TYR: variants seen among roughly 807,000 people sequenced by gnomAD.
TYR encodes tyrosinase.
A neutral mutation model predicts 51.5 loss-of-function variants in TYR; 58 were observed. That is an observed-to-expected ratio of 1.13 (90% CI 0.91 to 1.40). The LOEUF (loss-of-function observed/expected upper bound fraction) is 1.40. Ranked by LOEUF, TYR falls within the 40% of genes most tolerant of loss-of-function variation. The pLI, the probability that TYR is intolerant of heterozygous loss-of-function variation, is 0.00. For missense variants in TYR, 732 were observed against 647.4 expected, an observed-to-expected ratio of 1.13 and a Z score of -1.42; for synonymous variants, 263 against 235.2, an observed-to-expected ratio of 1.12 and a Z score of -1.08.
In TYR at chr11:89,227,959, A is replaced by G; in HGVS notation, c.1173A>G (p.Ala391=). Residue 391 remains alanine (A), a synonymous_variant, in exon 3 of 5, where the codon GCA becomes GCG. Coordinates refer to ENST00000263321, the MANE Select transcript of TYR (RefSeq NM_000372.5). ...ATCCTATCTTCCTTCTTCACCATGC[A>G]TTTGTTGACAGGTTGGTTAATATTT... ...ANDPIFLLHH[A]FVDSIFEQWL... 3 of 1,613,422 alleles carry G rather than the reference A, an allele frequency of 1.9e-6. No individual in the cohort carries two copies. The highest frequency in any genetic ancestry group is 2.5e-6 in the Non-Finnish European group (3 of 1,179,630).
chr11:89,276,281 C>G (rs992621458), intron 3 of TYR, among the ~76,000 whole-genome samples: 1 of 151,828 alleles, frequency 6.6e-6, no homozygotes, highest in African/African-American at 2.4e-5. Flanking sequence ...AATCTAGCAT[C>G]TGTTTTCTGT....
chr11:89,278,825 A>C (rs961666065), intron 3 of TYR, among the ~76,000 whole-genome samples: 2 of 151,698 alleles, frequency 1.3e-5, no homozygotes, highest in Admixed American at 1.3e-4. Context: ...CCAGGATACT[A>C]TATTACATTT....
chr11:89,204,344 T>C (rs1943641771), intron 2 of TYR, among the ~76,000 whole-genome samples: 1 of 151,938 alleles, frequency 6.6e-6, no homozygotes, highest in Non-Finnish European at 1.5e-5. Flanking sequence ...AAAGTAATAA[T>C]GCAGTGTTTC....
At chr11:89,263,975 CA>C (rs1483008829) in intron 3 of TYR, among the ~76,000 whole-genome samples, 2 of 152,014 alleles carry the variant, frequency 1.3e-5, no homozygotes, top group Non-Finnish European at 2.9e-5. Context: ...GTTAAAAGAT[CA>C]TGATTCAAAT....
intron 3 of TYR, among the ~76,000 whole-genome samples, chr11:89,263,164 T>G (rs1431430308): frequency 6.6e-6 from 1 of 151,892 alleles, no homozygotes. Context: ...CAAAGCCAAA[T>G]TGGATTTATT....
At chr11:89,201,014 G>T (rs1943592333) in intron 2 of TYR, among the ~76,000 whole-genome samples, 1 of 152,116 alleles carries the variant, frequency 6.6e-6, no homozygotes. Context: ...ATAATAGCAT[G>T]CATTGGTCAT....
At chr11:89,197,242 G>A (rs1943532258) in intron 2 of TYR, among the ~76,000 whole-genome samples, 2 of 152,070 alleles carry the variant, frequency 1.3e-5, no homozygotes, top group Admixed American at 6.6e-5. Flanking sequence ...AATAACAAGA[G>A]ATGTAAGGAG....
rs752837769 is a variant in TYR, at chr11:89,295,252, G to T, written c.1476G>T (p.Leu492=). 2 of 1,613,952 alleles carry T rather than the reference G, an allele frequency of 1.2e-6. No homozygotes were observed. The highest frequency in any genetic ancestry group is 4.5e-5 in the East Asian group (2 of 44,866). ...AMVGAVLTAL[L]AGLVSLLCRH... is the part of the protein sequence containing the mutation. ...TAGGGGCCGTCCTCACTGCCCTGCT[G>T]GCAGGGCTTGTGAGCTTGCTGTGTC... Residue 492 remains leucine, a synonymous_variant, in exon 5 of 5, where the codon CTG becomes CTT. Coordinates refer to ENST00000263321, the MANE Select transcript of TYR (RefSeq NM_000372.5).
At chr11:89,231,382 C>G (rs1944048411) in intron 3 of TYR, among the ~76,000 whole-genome samples, 1 of 106,338 alleles carries the variant, frequency 9.4e-6, no homozygotes. Flanking sequence ...AGGCAAGATA[C>G]AAAACCAACC....
intron 3 of TYR, among the ~76,000 whole-genome samples, chr11:89,263,203 T>C (rs993609370): frequency 6.6e-6 from 1 of 151,922 alleles, no homozygotes; most frequent in Non-Finnish European, 1.5e-5. Context: ...CTCAACATAT[T>C]AAAATCAATA....
intron 3 of TYR, among the ~76,000 whole-genome samples, chr11:89,241,783 T>C (rs946308205): frequency 1.3e-4 from 19 of 148,002 alleles, no homozygotes; most frequent in African/African-American, 3.4e-4. Flanking sequence ...ATAATAGATA[T>C]TATATAGTAC....
At chr11:89,295,048 G>A (rs1288589150) in intron 4 of TYR, 95 bp from the exon 5 acceptor site, 3 of 1,561,710 alleles carry the variant, frequency 1.9e-6, no homozygotes, top group Non-Finnish European at 1.7e-6. Flanking sequence ...TTCAAACCCA[G>A]GTGTCTACTC....
At chr11:89,218,537 T>A (rs1303793342) in intron 2 of TYR, among the ~76,000 whole-genome samples, 2 of 152,146 alleles carry the variant, frequency 1.3e-5, no homozygotes, top group Non-Finnish European at 2.9e-5. Context: ...TGAGCTGGAA[T>A]AGTTTCAGTA....
chr11:89,245,596 G>A (rs1306920906), intron 3 of TYR, among the ~76,000 whole-genome samples: 2 of 152,150 alleles, frequency 1.3e-5, no homozygotes, highest in Non-Finnish European at 2.9e-5. Flanking sequence ...CTCAGTTGGG[G>A]CAGGCAGACA....
rs772869664 is a variant in TYR at position 89,178,514 on chromosome 11, A to C, written c.561A>C (p.Ala187=). The change falls in exon 1 of 5, where the codon GCA becomes GCC. Residue 187 remains alanine (A), a synonymous_variant. Transcript: ENST00000263321. The part of the protein sequence containing the change: ...VWMHYYVSMD[A]LLGGSEIWRD... The stretch of plus-strand genomic sequence containing the variant: ...TGCATTATTATGTGTCAATGGATGC[A>C]CTGCTTGGGGGATCTGAAATCTGGA... 3.7e-6 allele frequency: 6 copies of C among 1,614,196 alleles called. No individual in the cohort carries two copies. Among genetic ancestry groups the C allele is most frequent in the Non-Finnish European group, 4.2e-6 (5 of 1,180,018 alleles).
At chr11:89,274,243 T>G (rs1944624445) in intron 3 of TYR, among the ~76,000 whole-genome samples, 1 of 152,002 alleles carries the variant, frequency 6.6e-6, no homozygotes, top group South Asian at 2.1e-4. Flanking sequence ...GAAATAAAAT[T>G]CATAGACCTA....
intron 3 of TYR, among the ~76,000 whole-genome samples, chr11:89,239,119 G>A (rs183370017): frequency 5.9e-5 from 9 of 152,124 alleles, no homozygotes; most frequent in East Asian, 1.9e-4. Flanking sequence ...AAGTATTCTC[G>A]CCACTTAAAT....
chr11:89,235,632 G>C (rs1944101067), intron 3 of TYR, among the ~76,000 whole-genome samples: 1 of 152,064 alleles, frequency 6.6e-6, no homozygotes, highest in Non-Finnish European at 1.5e-5. Context: ...GAACTCGTAG[G>C]AGTAGGAAAT....
intron 3 of TYR, among the ~76,000 whole-genome samples, chr11:89,282,135 C>G (rs1377988900): frequency 6.6e-6 from 1 of 151,780 alleles, no homozygotes; most frequent in African/African-American, 2.4e-5. Context: ...TCTTTTGGTG[C>G]TGAGAATTGA....
Sources: allele counts gnomAD v4.1 joint callset (sites outside exome capture counted in the v4.1 genomes callset), GRCh38; gene constraint gnomAD v4.1.1; transcripts MANE v1.5; gene names NCBI Gene and HGNC (gene_info 2026-07-23, HGNC 2026-07-21).